The following SCAI variants were observed in gnomAD, a reference collection of about 807,000 sequenced individuals.
SCAI encodes suppressor of cancer cell invasion.
Under a neutral mutation model 92.2 loss-of-function variants are expected in SCAI, and 24 were observed. The observed-to-expected ratio is 0.26, with a 90% CI of 0.19 to 0.37. SCAI has a LOEUF of 0.37. SCAI is among the 10% of genes least tolerant of loss of function. SCAI has a pLI of 1.00. For missense variants in SCAI, 450 were observed against 736.2 expected (o/e 0.61, Z 4.50); for synonymous variants, 261 against 258.6 (o/e 1.01, Z -0.09).
chr9:124,974,116 T>C (rs749981694), intron 15 of SCAI: 5 of 320,140 alleles, frequency 1.6e-5, no homozygotes, highest in Admixed American at 3.9e-5. Context: ...TTTGGCTCTG[T>C]GAAGAATGTA....
Position 124,955,654 on chromosome 9 carries a change from A to G in SCAI, c.1675-2701T>C, listed in dbSNP as rs1054258403. Reference sequence around the variant, plus strand: ...TTTTTTTAAATAAATAAATACATACATAAGTGAAAAAAAAAGAAACAAACG... The same window carrying G: ...TTTTTTTAAATAAATAAATACATACGTAAGTGAAAAAAAAAGAAACAAACG... On this transcript the variant is annotated intron_variant, in intron 17 of 17. Transcript: ENST00000336505. Among the ~76,000 whole-genome samples, 6 of 151,846 alleles carry G rather than the reference A, an allele frequency of 4.0e-5. No homozygotes were observed. The South Asian group carries it at 1.0e-3, about 26-fold the overall frequency.
chr9:125,058,293 C>A (rs1220505326), intron 2 of SCAI, among the ~76,000 whole-genome samples: 1 of 151,790 alleles, frequency 6.6e-6, no homozygotes, highest in Non-Finnish European at 1.5e-5. Flanking sequence ...GTGGGTGGAT[C>A]ATTTGAGGTC....
chr9:125,083,450 G>A (rs113897639), intron 2 of SCAI, among the ~76,000 whole-genome samples: 18 of 149,966 alleles, frequency 1.2e-4, no homozygotes, highest in African/African-American at 2.7e-4. Context: ...CCCAGGAGGC[G>A]GAGGCTGCAG....
Position 124,952,531 on chromosome 9 carries a change from T to A in SCAI, c.*276A>T. 3.4e-6 allele frequency: 1 copy of A among 297,950 alleles called. No homozygotes were observed. The highest frequency in any genetic ancestry group is 4.8e-5 in the Admixed American group (1 of 20,682). The allele number at this position is 297,950 out of a possible 1,614,324, so 18.5% of individuals were successfully genotyped here. On this transcript the variant is annotated 3_prime_UTR_variant, in exon 18 of 18. Transcript: ENST00000336505. ...CTCTTCTCAGGGTGAGAATAGTGAC[T>A]ATTTGAGTGTAGGATTAGAAGTTGG... is the stretch of plus-strand genomic sequence containing the variant.
intron 2 of SCAI, among the ~76,000 whole-genome samples, chr9:125,080,543 A>G (rs1259461745): frequency 2.0e-5 from 3 of 152,180 alleles, no homozygotes; most frequent in African/African-American, 7.2e-5. Context: ...ATTTTTAGAA[A>G]TTGATTTTGG....
chr9:125,007,684 G>A (rs1832540486), intron 9 of SCAI, among the ~76,000 whole-genome samples: 1 of 151,878 alleles, frequency 6.6e-6, no homozygotes, highest in Non-Finnish European at 1.5e-5. Context: ...TTTAAGACAG[G>A]GTCTGCTTCT....
Position 125,020,694 on chromosome 9 carries a change from A to T in SCAI, c.588T>A (p.Asp196Glu). 6.7e-7 allele frequency: 1 copy of T among 1,488,076 alleles called. No individual in the cohort carries two copies. 92.2% of individuals were successfully genotyped at this position (1,488,076 alleles called of 1,614,324 possible). ...TTACCTTTACCAGATCCTTTACAACATCCATTTTGTTGAGAAGAAGACAAA... is the reference window on the plus strand; with the variant it reads ...TTACCTTTACCAGATCCTTTACAACTTCCATTTTGTTGAGAAGAAGACAAA... ...IVVCLLLNKM[D>E]VVKDLVKELS... Residue 196 changes from aspartate (D) to glutamate (E), a missense_variant, in exon 7 of 18, where the codon GAT becomes GAA. By Grantham distance (45) the Asp-to-Glu change is conservative (BLOSUM62 2). Coordinates refer to ENST00000336505, the MANE Select transcript of SCAI (RefSeq NM_001144877.3).
intron 2 of SCAI, among the ~76,000 whole-genome samples, chr9:125,094,524 C>T (rs1036578983): frequency 1.3e-5 from 2 of 152,210 alleles, no homozygotes; most frequent in African/African-American, 2.4e-5. Flanking sequence ...ATCTTTGAGA[C>T]AAACTCTGGC....
At chr9:125,106,398 C>A (rs1444315755) in intron 2 of SCAI, among the ~76,000 whole-genome samples, 1 of 151,342 alleles carries the variant, frequency 6.6e-6, no homozygotes, top group Non-Finnish European at 1.5e-5. Context: ...CTCCTCTGTA[C>A]AATTTCTACT....
chr9:125,092,384 C>T (rs1184848701), intron 2 of SCAI, among the ~76,000 whole-genome samples: 7 of 151,876 alleles, frequency 4.6e-5, no homozygotes, highest in East Asian at 1.9e-4. Context: ...ATCCAGGAGT[C>T]GGAGGCTACA....
In SCAI at chr9:124,942,790, G is replaced by A. The variant is rs948657859; in HGVS notation, c.*10017C>T. ...CAAAAATCAAATATTCTCTAATCTC[G>A]TTATTCAATAAACATCAAAACAACG... On this transcript the variant is annotated 3_prime_UTR_variant, in exon 18 of 18. Coordinates refer to ENST00000336505, the MANE Select transcript of SCAI (RefSeq NM_001144877.3). 4.6e-5 allele frequency: 7 copies of A among 152,052 alleles called. No homozygotes were observed. Among genetic ancestry groups the A allele is most frequent in the Non-Finnish European group, 8.8e-5 (6 of 68,008 alleles). The allele number at this position is 152,052 out of a possible 1,614,324, so 9.4% of individuals were successfully genotyped here.
intron 2 of SCAI, among the ~76,000 whole-genome samples, chr9:125,078,407 A>G (rs1834139401): frequency 6.6e-6 from 1 of 152,060 alleles, no homozygotes; most frequent in Non-Finnish European, 1.5e-5. Flanking sequence ...ACATGCCTGT[A>G]ATCCCAGCTA....
chr9:124,986,943 G>C (rs1832005453), intron 14 of SCAI, among the ~76,000 whole-genome samples: 1 of 152,180 alleles, frequency 6.6e-6, no homozygotes, highest in South Asian at 2.1e-4. Flanking sequence ...CACAGGCAGG[G>C]ATCCAGCTAG....
At position 125,082,382 on chromosome 9, in the gene SCAI, C is replaced by T. The variant is rs1422256692; in HGVS notation, c.99-26375G>A. 8.5e-5 allele frequency among the ~76,000 whole-genome samples: 13 copies of T among 152,284 alleles called. No individual in the cohort carries two copies. The South Asian group carries it at 1.7e-3, about 19-fold the overall frequency. Reference sequence around the variant, plus strand: ...CCCAGGCAGAAGTTTGCTGCAGGGGCGGGGCCCTCATGGAGAACCTCTGCT... The same window carrying T: ...CCCAGGCAGAAGTTTGCTGCAGGGGTGGGGCCCTCATGGAGAACCTCTGCT... On this transcript the variant is annotated intron_variant, in intron 2 of 17. Coordinates refer to ENST00000336505, the MANE Select transcript of SCAI (RefSeq NM_001144877.3).
At chr9:125,057,939 TA>T (rs1833703657) in intron 2 of SCAI, among the ~76,000 whole-genome samples, 1 of 150,620 alleles carries the variant, frequency 6.6e-6, no homozygotes, top group South Asian at 2.1e-4. Flanking sequence ...ACAAAAAATG[TA>T]AAAATTAGCC....
intron 2 of SCAI, among the ~76,000 whole-genome samples, chr9:125,134,667 G>GT (rs779829872): frequency 2.6e-5 from 4 of 152,112 alleles, no homozygotes; most frequent in Non-Finnish European, 5.9e-5. Context: ...TAGAGACCAA[G>GT]TTTCCTAATC....
chr9:125,010,365 C>G lies in SCAI; in HGVS notation c.862-6795G>C, dbSNP rs1314568321. 2.6e-5 allele frequency among the ~76,000 whole-genome samples: 4 copies of G among 152,206 alleles called. No individual in the cohort carries two copies. The East Asian group carries it at 7.7e-4, about 29-fold the overall frequency. ...TTTCCGACGGGCTTAAAAAACGGTGCACCAGGAGATTATATCCCGCACATG... is the reference window on the plus strand; with the variant it reads ...TTTCCGACGGGCTTAAAAAACGGTGGACCAGGAGATTATATCCCGCACATG... On this transcript the variant is annotated intron_variant, in intron 9 of 17. Coordinates refer to ENST00000336505, the MANE Select transcript of SCAI (RefSeq NM_001144877.3).
At chr9:125,107,123 A>G (rs1040951741) in intron 2 of SCAI, among the ~76,000 whole-genome samples, 1 of 152,134 alleles carries the variant, frequency 6.6e-6, no homozygotes, top group African/African-American at 2.4e-5. Flanking sequence ...AAAAATAAAT[A>G]CAACAGGCTG....
chr9:125,099,442 G>A (rs1340532221), intron 2 of SCAI, among the ~76,000 whole-genome samples: 1 of 151,990 alleles, frequency 6.6e-6, no homozygotes, highest in Non-Finnish European at 1.5e-5. Context: ...ACCATGCCTG[G>A]CTAATTTTTT....
Sources: gnomAD v4.1 joint callset for allele counts (sites outside exome capture counted in the v4.1 genomes callset) on GRCh38, gnomAD v4.1.1 for gene constraint, MANE v1.5 for transcripts, NCBI Gene and HGNC (gene_info 2026-07-23, HGNC 2026-07-21) for gene names.